Variants in STON2 observed in about 807,000 individuals in gnomAD.
STON2 encodes stonin-2.
A neutral mutation model predicts 65.7 loss-of-function variants in STON2; 29 were observed. That is an observed-to-expected ratio of 0.44 (90% confidence interval 0.33 to 0.60). The LOEUF (loss-of-function observed/expected upper bound fraction) is 0.60, where lower values mean the gene tolerates loss of function less well. STON2 is among the 20% of genes least tolerant of loss of function. STON2 has a pLI of 0.03. For synonymous variants in STON2, 404 were observed against 414.2 expected, an observed-to-expected ratio of 0.98 and a Z score of 0.30; for missense variants, 1,054 against 1,118.1, an observed-to-expected ratio of 0.94 and a Z score of 0.82.
chr14:81,349,245 A>G lies in STON2; in HGVS notation c.571+21743T>C, dbSNP rs183644141. Among the ~76,000 whole-genome samples the G allele has an allele frequency of 2.6e-5, 4 of 152,294 alleles. No homozygotes were observed. The East Asian group carries it at 7.7e-4, about 29-fold the overall frequency. The stretch of plus-strand genomic sequence containing the variant: ...GAAGCAAAAATAGACAAATGGGACT[A>G]TGTCAAACTAAAAAGCTTGTGCACA... On this transcript the variant is annotated intron_variant, in intron 4 of 7. Transcript: ENST00000614646.
At position 81,266,593 on chromosome 14, in the gene STON2, C is replaced by A. The variant is rs1235950176; in HGVS notation, c.*1821G>T. 1.3e-5 allele frequency: 10 copies of A among 787,914 alleles called. No homozygotes were observed. The Admixed American group carries it at 5.0e-4, about 39-fold the overall frequency. The allele number at this position is 787,914 out of a possible 1,614,324, so 48.8% of individuals were successfully genotyped here. A position where few individuals can be genotyped will look rare whatever the true frequency, so the allele number is the denominator to read the frequency against. On this transcript the variant is annotated 3_prime_UTR_variant, in exon 8 of 8. Coordinates refer to ENST00000614646, the MANE Select transcript of STON2 (RefSeq NM_001394390.1). The stretch of plus-strand genomic sequence containing the variant: ...TTAATGTCTCTCTTAAAATATGATA[C>A]CCATAATTGAACTCAACCCTCCATT...
intron 4 of STON2, among the ~76,000 whole-genome samples, chr14:81,361,462 T>A (rs1311902014): frequency 6.6e-6 from 1 of 152,012 alleles, no homozygotes; most frequent in Non-Finnish European, 1.5e-5. Flanking sequence ...AAGAATAAAA[T>A]TAGACCCTTA....
chr14:81,358,579 A>G (rs75967111), intron 4 of STON2, among the ~76,000 whole-genome samples: 2 of 152,200 alleles, frequency 1.3e-5, no homozygotes, highest in African/African-American at 4.8e-5. Flanking sequence ...AATTGATTAA[A>G]TTACTCAATA....
At chr14:81,309,354 T>C (rs945991953) in intron 5 of STON2, among the ~76,000 whole-genome samples, 16 of 152,338 alleles carry the variant, frequency 1.1e-4, no homozygotes, top group African/African-American at 3.6e-4. Flanking sequence ...GTCTGTATAA[T>C]TCTAGAATTT....
At chr14:81,420,440 A>G in intron 2 of STON2, among the ~76,000 whole-genome samples, 1 of 152,198 alleles carries the variant, frequency 6.6e-6, no homozygotes, top group Non-Finnish European at 1.5e-5. Context: ...CATTCATTCA[A>G]TAAGCATTCA....
At chr14:81,347,615 TAAAAAAA>T (rs55784716) in intron 4 of STON2, among the ~76,000 whole-genome samples, 1 of 72,596 alleles carries the variant, frequency 1.4e-5, no homozygotes, top group African/African-American at 5.5e-5. Context: ...AAGAAGACAG[TAAAAAAA>T]AAAAAAAAAA....
chr14:81,272,779 A>G (rs562938990), intron 6 of STON2, among the ~76,000 whole-genome samples: 17 of 152,366 alleles, frequency 1.1e-4, no homozygotes, highest in Non-Finnish European at 1.9e-4. Context: ...TTTATGGGAC[A>G]TTTATTACAG....
chr14:81,388,376 T>C (rs918211387), intron 3 of STON2, among the ~76,000 whole-genome samples: 1 of 152,236 alleles, frequency 6.6e-6, no homozygotes, highest in African/African-American at 2.4e-5. Context: ...CTTGATGATT[T>C]AAGCATTTCT....
intron 1 of STON2, among the ~76,000 whole-genome samples, chr14:81,400,077 C>T (rs1900529583): frequency 1.3e-5 from 2 of 152,128 alleles, no homozygotes; most frequent in South Asian, 4.1e-4. Flanking sequence ...AAGTACTTTA[C>T]AAATATCAAT....
At chr14:81,335,542 A>T (rs1897337865) in intron 4 of STON2, among the ~76,000 whole-genome samples, 1 of 152,186 alleles carries the variant, frequency 6.6e-6, no homozygotes, top group East Asian at 1.9e-4. Context: ...TTCTGGAGAC[A>T]TAGCTGGACT....
intron 6 of STON2, among the ~76,000 whole-genome samples, chr14:81,274,414 T>C (rs1894722930): frequency 6.6e-6 from 1 of 152,184 alleles, no homozygotes; most frequent in African/African-American, 2.4e-5. Flanking sequence ...TTACTTGCCC[T>C]TGAGGCAACA....
chr14:81,333,478 G>T (rs555435784), intron 4 of STON2: 2 of 257,390 alleles, frequency 7.8e-6, no homozygotes, highest in African/African-American at 2.2e-5. Flanking sequence ...CTCTAATTTT[G>T]CTGACGAAGA....
intron 2 of STON2, among the ~76,000 whole-genome samples, chr14:81,410,765 T>C (rs921494600): frequency 2.6e-5 from 4 of 152,020 alleles, no homozygotes; most frequent in Non-Finnish European, 4.4e-5. Context: ...GTCAAGGAAA[T>C]TGGGAAAGAA....
At position 81,416,885 on chromosome 14, in the gene STON2, T is replaced by C. The variant is rs149424866; in HGVS notation, c.-199+10217A>G. ...TTAAAGCTCCTGCCAACACTCTCTA[T>C]ACCAAGAATAACAAGGATTAGAGGA... On this transcript the variant is annotated intron_variant, in intron 2 of 8. Coordinates refer to the STON2 transcript ENST00000553821. 5.9e-5 allele frequency among the ~76,000 whole-genome samples: 9 copies of C among 152,304 alleles called. No homozygotes were observed. The East Asian group carries it at 1.7e-3, about 29-fold the overall frequency.
chr14:81,262,789 G>T lies in STON2; in HGVS notation c.*5625C>A, dbSNP rs796570022. On this transcript the variant is annotated 3_prime_UTR_variant, in exon 8 of 8. Transcript: ENST00000614646. The stretch of plus-strand genomic sequence containing the variant: ...AGAAATGTAAAAATCTCACATTCTT[G>T]TTCTAGTTAATACATGGGAGAATAT... 1.3e-5 allele frequency: 13 copies of T among 985,198 alleles called. No homozygotes were observed. In the African/African-American group the frequency reaches 2.1e-4, roughly 16 times the overall value. The allele number at this position is 985,198 out of a possible 1,614,324, so 61.0% of individuals were successfully genotyped here.
rs1053758889 is a variant in STON2, at chr14:81,260,817, T to C, written c.*7597A>G. 1.3e-5 allele frequency: 2 copies of C among 151,816 alleles called. No homozygotes were observed. The highest frequency in any genetic ancestry group is 6.6e-5 in the Admixed American group (1 of 15,246). 9.4% of individuals were successfully genotyped at this position (151,816 alleles called of 1,614,324 possible). On this transcript the variant is annotated 3_prime_UTR_variant, in exon 8 of 8. Transcript: ENST00000614646. ...AAAAAAAACATAAACTGGTTTTACA[T>C]AAAATTAACCACAATAGTGCAAGAG...
chr14:81,385,326 T>A (rs1053387485), intron 3 of STON2, among the ~76,000 whole-genome samples: 1 of 152,252 alleles, frequency 6.6e-6, no homozygotes, highest in Non-Finnish European at 1.5e-5. Flanking sequence ...CTCCGTGGCA[T>A]GATGACACTT....
At chr14:81,371,395 G>C (rs965280627) in intron 3 of STON2, among the ~76,000 whole-genome samples, 5 of 152,096 alleles carry the variant, frequency 3.3e-5, no homozygotes, top group Non-Finnish European at 7.3e-5. Flanking sequence ...ATCAAAACCA[G>C]TACGAAAAGT....
In STON2 at chr14:81,267,304, C is replaced by T. The variant is rs572174888; in HGVS notation, c.*1110G>A. The T allele has an allele frequency of 1.5e-5, 15 of 985,376 alleles. No individual in the cohort carries two copies. The highest frequency in any genetic ancestry group is 1.1e-4 in the East Asian group (1 of 8,814). The allele number at this position is 985,376 out of a possible 1,614,324, so 61.0% of individuals were successfully genotyped here. ...ACATTAGAAAAATATGGCTTTTCCA[C>T]GTCTCTACCCTAGAGATGCCTTTTC... On this transcript the variant is annotated 3_prime_UTR_variant, in exon 8 of 8. Coordinates refer to ENST00000614646, the MANE Select transcript of STON2 (RefSeq NM_001394390.1).
Sources: allele counts gnomAD v4.1 joint callset (sites outside exome capture counted in the v4.1 genomes callset), GRCh38; gene constraint gnomAD v4.1.1; transcripts MANE v1.5; gene names NCBI Gene and HGNC (gene_info 2026-07-23, HGNC 2026-07-21).